The following CTIF variants were observed in gnomAD, a reference collection of about 807,000 sequenced individuals.
The protein encoded by CTIF is cap binding complex dependent translation initiation factor, also known as CBP80/20-dependent translation initiation factor.
In CTIF, 21 loss-of-function variants were observed where a neutral mutation model predicts 66.0. The ratio of observed to expected loss-of-function variants is 0.32; its 90% CI spans 0.23 to 0.46. The LOEUF (loss-of-function observed/expected upper bound fraction) is 0.46. Ranked by LOEUF, CTIF falls within the 20% of genes least tolerant of loss-of-function variation. The pLI, the probability that CTIF is intolerant of heterozygous loss-of-function variation, is 1.00. For synonymous variants in CTIF, 345 were observed against 326.4 expected, an observed-to-expected ratio of 1.06 and a Z score of -0.62; for missense variants, 739 against 812.7, an observed-to-expected ratio of 0.91 and a Z score of 1.10.
intron 7 of CTIF, among the ~76,000 whole-genome samples, chr18:48,732,446 A>ACCAG (rs919562752): frequency 6.6e-5 from 10 of 152,012 alleles, no homozygotes; most frequent in Non-Finnish European, 1.2e-4. Context: ...GACGGGGCTG[A>ACCAG]CCAGCCGGAC....
chr18:48,755,343 A>G (rs910405882), intron 7 of CTIF, among the ~76,000 whole-genome samples: 2 of 152,126 alleles, frequency 1.3e-5, no homozygotes, highest in Non-Finnish European at 2.9e-5. Context: ...TGTGGGCCAC[A>G]GTTTCTTCTG....
intron 6 of CTIF, among the ~76,000 whole-genome samples, chr18:48,676,065 G>A (rs2091624040): frequency 6.6e-6 from 1 of 152,118 alleles, no homozygotes; most frequent in African/African-American, 2.4e-5. Context: ...GGTGTGACTT[G>A]GGGAGCAATT....
intron 1 of CTIF, among the ~76,000 whole-genome samples, chr18:48,582,947 T>A (rs902263348): frequency 6.6e-6 from 1 of 152,208 alleles, no homozygotes; most frequent in Non-Finnish European, 1.5e-5. Context: ...AGGCCAGCAC[T>A]GCAGAATCGC....
chr18:48,552,654 C>T (rs2088912224), intron 1 of CTIF, among the ~76,000 whole-genome samples: 1 of 152,182 alleles, frequency 6.6e-6, no homozygotes, highest in Non-Finnish European at 1.5e-5. Flanking sequence ...GGCCCCACCT[C>T]CTAATACCAT....
chr18:48,578,808 A>G (rs1295919217), intron 1 of CTIF, among the ~76,000 whole-genome samples: 1 of 152,178 alleles, frequency 6.6e-6, no homozygotes, highest in Non-Finnish European at 1.5e-5. Context: ...TTACTTGATG[A>G]TTTGCTTTGA....
chr18:48,721,505 C>T (rs2092335450), intron 7 of CTIF, among the ~76,000 whole-genome samples: 2 of 152,216 alleles, frequency 1.3e-5, no homozygotes, highest in Admixed American at 6.5e-5. Context: ...CAAGCCAGCC[C>T]AGCCCTCCCC....
intron 10 of CTIF, among the ~76,000 whole-genome samples, chr18:48,839,110 G>T (rs986946621): frequency 5.3e-5 from 8 of 152,066 alleles, no homozygotes; most frequent in African/African-American, 1.7e-4. Context: ...CTTGAATCTG[G>T]CCACCACTTT....
At chr18:48,721,046 C>T (rs557580449) in intron 7 of CTIF, among the ~76,000 whole-genome samples, 1 of 152,158 alleles carries the variant, frequency 6.6e-6, no homozygotes, top group Non-Finnish European at 1.5e-5. Flanking sequence ...AGCCCTGGAA[C>T]CCCCTGTGCC....
intron 10 of CTIF, among the ~76,000 whole-genome samples, chr18:48,819,467 C>T (rs1042424151): frequency 6.6e-6 from 1 of 152,276 alleles, no homozygotes; most frequent in South Asian, 2.1e-4. Flanking sequence ...CTGGTGTTGT[C>T]GTCACCTGCT....
At chr18:48,614,326 C>A (rs2090359671) in intron 1 of CTIF, among the ~76,000 whole-genome samples, 1 of 152,140 alleles carries the variant, frequency 6.6e-6, no homozygotes, top group Admixed American at 6.6e-5. Context: ...ACTCGTCTTG[C>A]CTTAAAAATG....
At chr18:48,559,829 C>A (rs952555446) in intron 1 of CTIF, among the ~76,000 whole-genome samples, 4 of 151,262 alleles carry the variant, frequency 2.6e-5, no homozygotes, top group Non-Finnish European at 5.9e-5. Context: ...GGGTGAAGAT[C>A]AAAAAACGAC....
chr18:48,621,626 G>C (rs575731496), intron 2 of CTIF: 18 of 338,654 alleles, frequency 5.3e-5, no homozygotes, highest in African/African-American at 2.5e-4. Context: ...TGCCTTGCGG[G>C]CCACTGCCAG....
chr18:48,717,733 A>G lies in CTIF; in HGVS notation c.584+6038A>G, dbSNP rs190938441. Among the ~76,000 whole-genome samples the G allele has an allele frequency of 4.0e-3, 613 of 152,226 alleles. 3 individuals are homozygous for G. The highest frequency in any genetic ancestry group is 4.7e-3 in the Non-Finnish European group (321 of 68,012). On this transcript the variant is annotated intron_variant, in intron 7 of 11. Coordinates refer to ENST00000256413, the MANE Select transcript of CTIF (RefSeq NM_014772.3). The stretch of plus-strand genomic sequence containing the variant: ...GCAAGCCTCTTGAAACACCCCTTCA[A>G]AATTTTTTTTAGCAACAGGGTCTTG...
intron 2 of CTIF, 95 bp downstream of exon 2, chr18:48,619,840 A>G (rs2090462118): frequency 1.8e-5 from 22 of 1,235,686 alleles, no homozygotes; most frequent in Non-Finnish European, 2.3e-5. Context: ...GCCTGACACT[A>G]GACCGCCAAG....
intron 9 of CTIF, among the ~76,000 whole-genome samples, chr18:48,767,328 G>A (rs1909665340): frequency 6.6e-6 from 1 of 152,074 alleles, no homozygotes; most frequent in Middle Eastern, 3.2e-3. Flanking sequence ...TGGAATGACA[G>A]GAATGGAAGC....
intron 1 of CTIF, among the ~76,000 whole-genome samples, chr18:48,585,480 G>C (rs1033768860): frequency 3.3e-5 from 5 of 152,160 alleles, no homozygotes; most frequent in East Asian, 1.9e-4. Context: ...AGGATCCCAT[G>C]GTGTTCTGTG....
intron 1 of CTIF, among the ~76,000 whole-genome samples, chr18:48,552,700 G>A (rs2088913462): frequency 6.6e-6 from 1 of 152,148 alleles, no homozygotes; most frequent in African/African-American, 2.4e-5. Context: ...TGTGAATTTT[G>A]GGGGGATACA....
intron 1 of CTIF, among the ~76,000 whole-genome samples, chr18:48,577,359 G>A (rs867405305): frequency 5.3e-5 from 8 of 152,114 alleles, no homozygotes; most frequent in African/African-American, 1.9e-4. Context: ...GAGATGCGCC[G>A]TTCCTTCCCC....
In CTIF at chr18:48,764,373, CCA is replaced by C. The variant is rs994819782; in HGVS notation, c.1371+2687_1371+2688del. On this transcript the variant is annotated intron_variant, in intron 9 of 11. Coordinates refer to ENST00000256413, the MANE Select transcript of CTIF (RefSeq NM_014772.3). ...AACTTAAACCAATGGCCACATGAATCCACAGTGACAAACTGGGGTGCGTGCCG... is the reference window on the plus strand; with the variant it reads ...AACTTAAACCAATGGCCACATGAATCCAGTGACAAACTGGGGTGCGTGCCG... Among the ~76,000 whole-genome samples the C allele has an allele frequency of 1.7e-3, 256 of 152,322 alleles. 2 individuals are homozygous for C. The highest frequency in any genetic ancestry group is 6.0e-3 in the African/African-American group (248 of 41,562).
Sources: gnomAD v4.1 joint callset for allele counts (sites outside exome capture counted in the v4.1 genomes callset) on GRCh38, gnomAD v4.1.1 for gene constraint, MANE v1.5 for transcripts, NCBI Gene and HGNC (gene_info 2026-07-23, HGNC 2026-07-21) for gene names.